The following GRID2 variants were observed in gnomAD, a reference collection of about 807,000 sequenced individuals.
The protein encoded by GRID2 is glutamate ionotropic receptor delta type subunit 2, also known as glutamate receptor ionotropic, delta-2.
In GRID2, 33 loss-of-function variants were observed where a neutral mutation model predicts 114.8. The ratio of observed to expected loss-of-function variants is 0.29; its 90% confidence interval spans 0.22 to 0.38. GRID2 has a LOEUF of 0.38. Ranked by LOEUF, GRID2 falls within the 10% of genes least tolerant of loss-of-function variation. The pLI, the probability that GRID2 is intolerant of heterozygous loss-of-function variation, is 1.00. For synonymous variants in GRID2, 505 were observed against 449.9 expected, an observed-to-expected ratio of 1.12 and a Z score of -1.55; for missense variants, 1,184 against 1,257.7, an observed-to-expected ratio of 0.94 and a Z score of 0.89.
chr4:93,261,812 C>A (rs191653252), intron 8 of GRID2, among the ~76,000 whole-genome samples: 4 of 151,302 alleles, frequency 2.6e-5, no homozygotes, highest in Non-Finnish European at 5.9e-5. Flanking sequence ...ATATTTTAGG[C>A]TTTGTGGGCC....
chr4:93,677,840 G>A (rs973951252), intron 14 of GRID2, among the ~76,000 whole-genome samples: 1 of 152,126 alleles, frequency 6.6e-6, no homozygotes, highest in Non-Finnish European at 1.5e-5. Context: ...AAAAAACAAA[G>A]CAGAAAAACT....
chr4:92,728,260 A>G (rs893674085), intron 2 of GRID2, among the ~76,000 whole-genome samples: 1 of 152,070 alleles, frequency 6.6e-6, no homozygotes. Context: ...GTAACAAATT[A>G]CCCCAAATGT....
intron 1 of GRID2, among the ~76,000 whole-genome samples, chr4:92,536,486 C>A (rs957801141): frequency 1.3e-5 from 2 of 152,164 alleles, no homozygotes; most frequent in Non-Finnish European, 2.9e-5. Flanking sequence ...CCTATAAATA[C>A]TGATAACTCT....
intron 1 of GRID2, among the ~76,000 whole-genome samples, chr4:93,805,804 A>G (rs1735017158): frequency 1.3e-5 from 2 of 152,190 alleles, no homozygotes; most frequent in South Asian, 2.1e-4. Flanking sequence ...CTTATTTAAG[A>G]GCATATATTC....
At chr4:93,157,300 A>G (rs1560936272) in intron 4 of GRID2, among the ~76,000 whole-genome samples, 1 of 151,746 alleles carries the variant, frequency 6.6e-6, no homozygotes, top group Non-Finnish European at 1.5e-5. Context: ...CATGAAAGGT[A>G]ATAAAAGGTA....
At chr4:93,566,080 A>G (rs891421425) in intron 13 of GRID2, among the ~76,000 whole-genome samples, 9 of 152,144 alleles carry the variant, frequency 5.9e-5, no homozygotes, top group Non-Finnish European at 1.2e-4. Flanking sequence ...TAAGACGTCA[A>G]TGTCCTCTAC....
At chr4:93,607,862 C>T (rs548759647) in intron 13 of GRID2, among the ~76,000 whole-genome samples, 8 of 152,014 alleles carry the variant, frequency 5.3e-5, no homozygotes, top group African/African-American at 1.2e-4. Context: ...ATTTTGCACA[C>T]GCTATTCTTT....
rs149459393 is a variant in GRID2, at chr4:93,434,355, C to T, written c.1545+11387C>T. Reference sequence around the variant, plus strand: ...AAGGAGATATACCTAATGTAAATGTCGAGTTAATGGTTGCAGCACACCAAC... The same window carrying T: ...AAGGAGATATACCTAATGTAAATGTTGAGTTAATGGTTGCAGCACACCAAC... On this transcript the variant is annotated intron_variant, in intron 10 of 15. Transcript: ENST00000282020. Among the ~76,000 whole-genome samples, 47 of 152,074 alleles carry T rather than the reference C, an allele frequency of 3.1e-4. No homozygotes were observed. In the East Asian group the frequency reaches 3.9e-3, roughly 13 times the overall value.
At chr4:92,744,520 G>A (rs918161309) in intron 2 of GRID2, among the ~76,000 whole-genome samples, 1 of 151,374 alleles carries the variant, frequency 6.6e-6, no homozygotes, top group Non-Finnish European at 1.5e-5. Context: ...TTTTTCAGAG[G>A]TTTGGTACAT....
intron 14 of GRID2, among the ~76,000 whole-genome samples, chr4:93,745,044 G>A (rs1369801034): frequency 6.6e-6 from 1 of 152,112 alleles, no homozygotes; most frequent in Admixed American, 6.5e-5. Context: ...ATTTTTAATA[G>A]ACTGTGGTAT....
In GRID2 at chr4:92,870,028, C is replaced by T. The variant is rs576155586; in HGVS notation, c.245-214967C>T. Among the ~76,000 whole-genome samples the T allele has an allele frequency of 2.8e-4, 42 of 151,252 alleles. No individual in the cohort carries two copies. The South Asian group carries it at 8.2e-3, about 29-fold the overall frequency. ...CAACCAATATAGTGAGACCCCGTCTCCACAAAAAAATTAAAAAAAAAAAAT... is the reference window on the plus strand; with the variant it reads ...CAACCAATATAGTGAGACCCCGTCTTCACAAAAAAATTAAAAAAAAAAAAT... On this transcript the variant is annotated intron_variant, in intron 2 of 15. Coordinates refer to ENST00000282020, the MANE Select transcript of GRID2 (RefSeq NM_001510.4).
chr4:93,206,588 T>C, intron 4 of GRID2, among the ~76,000 whole-genome samples: 2 of 86,406 alleles, frequency 2.3e-5, no homozygotes, highest in Admixed American at 1.4e-4. Flanking sequence ...AAACTGCCCC[T>C]ACTACACACA....
At chr4:93,093,246 G>T (rs530614568) in intron 3 of GRID2, among the ~76,000 whole-genome samples, 1 of 152,154 alleles carries the variant, frequency 6.6e-6, no homozygotes, top group African/African-American at 2.4e-5. Context: ...TTCGGTTTCA[G>T]TTAAGAGTCC....
intron 2 of GRID2, among the ~76,000 whole-genome samples, chr4:92,662,635 G>T (rs1476537846): frequency 6.6e-6 from 1 of 151,124 alleles, no homozygotes; most frequent in East Asian, 1.9e-4. Flanking sequence ...GGATATTATT[G>T]TGAATCGTTT....
intron 14 of GRID2, among the ~76,000 whole-genome samples, chr4:93,670,486 T>G (rs1452736056): frequency 6.6e-6 from 1 of 152,206 alleles, no homozygotes; most frequent in Non-Finnish European, 1.5e-5. Context: ...CATTTTAACT[T>G]GGATTTATAA....
chr4:93,316,347 GGAAGGAAGGAAGGAAAAGAA>G (rs1756653033), intron 8 of GRID2, among the ~76,000 whole-genome samples: 1 of 74,732 alleles, frequency 1.3e-5, no homozygotes, highest in Admixed American at 1.4e-4. Flanking sequence ...AAAGAAGGAA[GGAAGGAAGGAAGGAAAAGAA>G]AAAGAAAGAA....
At chr4:93,250,731 C>T (rs1748804384) in intron 8 of GRID2, among the ~76,000 whole-genome samples, 1 of 143,782 alleles carries the variant, frequency 7.0e-6, no homozygotes, top group Non-Finnish European at 1.5e-5. Context: ...TGTATATGTG[C>T]ATATATATAA....
intron 1 of GRID2, among the ~76,000 whole-genome samples, chr4:92,354,363 A>G (rs1449334475): frequency 6.6e-6 from 1 of 151,668 alleles, no homozygotes; most frequent in Non-Finnish European, 1.5e-5. Flanking sequence ...TGGTTTTTTT[A>G]TGTTTCTGTG....
intron 1 of GRID2, among the ~76,000 whole-genome samples, chr4:92,319,070 T>G (rs892373192): frequency 1.3e-5 from 2 of 152,196 alleles, no homozygotes; most frequent in Admixed American, 1.3e-4. Context: ...GTATAATATT[T>G]TTGTTAGTGA....
Sources: gnomAD v4.1 joint callset for allele counts (sites outside exome capture counted in the v4.1 genomes callset) on GRCh38, gnomAD v4.1.1 for gene constraint, MANE v1.5 for transcripts, NCBI Gene and HGNC (gene_info 2026-07-23, HGNC 2026-07-21) for gene names.